Variants in HSPA4L observed in about 807,000 individuals in gnomAD.
HSPA4L encodes heat shock 70 kDa protein 4L.
HSPA4L carries 48 observed loss-of-function variants against 100.3 expected under a neutral mutation model. The ratio of observed to expected loss-of-function variants is 0.48; its 90% CI spans 0.38 to 0.61. The LOEUF is 0.61. Among genes scored for constraint, HSPA4L ranks in the 20% least tolerant of loss-of-function variants. HSPA4L has a pLI of 0.00. For missense variants in HSPA4L, 886 were observed against 988.6 expected, an observed-to-expected ratio of 0.90 and a Z score of 1.39; for synonymous variants, 319 against 328.2, an observed-to-expected ratio of 0.97 and a Z score of 0.30.
Position 127,805,692 on chromosome 4 carries a change from G to C in HSPA4L, c.1143G>C (p.Ala381=). The C allele has an allele frequency of 6.2e-7, 1 of 1,608,560 alleles. No homozygotes were observed. The highest frequency in any genetic ancestry group is 8.5e-7 in the Non-Finnish European group (1 of 1,175,792). Residue 381 remains alanine, a synonymous_variant, in exon 10 of 19, where the codon GCG becomes GCC. Transcript: ENST00000296464. The part of the protein sequence containing the change: ...AVARGCALQC[A]ILSPAFKVRE... Reference sequence around the variant, plus strand: ...GGTATACATCTTATTTTCAGTGTGCGATTCTCTCACCAGCATTTAAAGTGC... The same window carrying C: ...GGTATACATCTTATTTTCAGTGTGCCATTCTCTCACCAGCATTTAAAGTGC...
intron 3 of HSPA4L, 138 bp from the exon 4 acceptor site, chr4:127,798,449 A>G (rs949032266): frequency 6.7e-6 from 5 of 749,168 alleles, no homozygotes; most frequent in Non-Finnish European, 1.1e-5. Flanking sequence ...TAAAATGACA[A>G]TCTTTCTGGA....
chr4:127,835,074 G>C lies in HSPA4L; in HGVS notation c.*2200G>C, dbSNP rs1734172859. Reference sequence around the variant, plus strand: ...AATGAAAGAGAGTGCTCTCTTTAATGCAGCTTTGGGTAGACAGTCTAATTC... The same window carrying C: ...AATGAAAGAGAGTGCTCTCTTTAATCCAGCTTTGGGTAGACAGTCTAATTC... On this transcript the variant is annotated 3_prime_UTR_variant, in exon 19 of 19. Transcript: ENST00000296464. 1.3e-5 allele frequency: 2 copies of C among 152,004 alleles called. No individual in the cohort carries two copies. The highest frequency in any genetic ancestry group is 4.2e-4 in the South Asian group (2 of 4,818). 9.4% of individuals were successfully genotyped at this position (152,004 alleles called of 1,614,324 possible).
rs149114466 is a variant in HSPA4L, at chr4:127,822,900, T to C, written c.1938+6T>C. 55 of 1,609,916 alleles carry C rather than the reference T, an allele frequency of 3.4e-5. 1 individual carries two copies. In the African/African-American group the frequency reaches 6.8e-4, roughly 20 times the overall value. ...AAAAATTCATCACTCCAGAAGTAAG[T>C]CTAAATTCTGTTAATTTTTTGTGAG... On this transcript the variant is annotated splice_donor_region_variant and intron_variant, in intron 15 of 18. Coordinates refer to ENST00000296464, the MANE Select transcript of HSPA4L (RefSeq NM_014278.4).
At chr4:127,817,408 G>A (rs1733696058) in intron 12 of HSPA4L, among the ~76,000 whole-genome samples, 2 of 152,104 alleles carry the variant, frequency 1.3e-5, no homozygotes, top group South Asian at 4.1e-4. Context: ...ATAGCTTTCT[G>A]GGTATTACAG....
chr4:127,792,071 G>A (rs1393863292), intron 1 of HSPA4L, among the ~76,000 whole-genome samples: 1 of 152,126 alleles, frequency 6.6e-6, no homozygotes, highest in African/African-American at 2.4e-5. Context: ...ACAGTGTTTT[G>A]TTCAGCCCTT....
chr4:127,798,008 G>A (rs1212725062), intron 3 of HSPA4L, among the ~76,000 whole-genome samples: 1 of 151,940 alleles, frequency 6.6e-6, no homozygotes, highest in East Asian at 1.9e-4. Flanking sequence ...GCAGTAATTT[G>A]GCATAATACT....
chr4:127,813,135 A>G (rs1733583986), intron 12 of HSPA4L: 10 of 1,400,490 alleles, frequency 7.1e-6, no homozygotes, highest in Non-Finnish European at 1.0e-5. Context: ...GAATAACTCC[A>G]TGTTTTCTAA....
In HSPA4L at chr4:127,803,763, A is replaced by C; in HGVS notation, c.798A>C (p.Leu266Phe). ...VKENSRALLRLYQECEKLKKL... is the reference protein window; with the variant it reads ...VKENSRALLRFYQECEKLKKL... ...AAAACTCTCGGGCCTTGTTGCGTTT[A>C]TATCAGGAATGTGAAAAACTAAAGA... The change falls in exon 7 of 19, where the codon TTA (leucine) becomes TTC (phenylalanine). Residue 266 changes from leucine (L) to phenylalanine (F), a missense_variant. Physicochemically the swap from Leu to Phe is conservative, Grantham distance 22. Coordinates refer to ENST00000296464, the MANE Select transcript of HSPA4L (RefSeq NM_014278.4). 1 of 1,614,032 alleles carries C rather than the reference A, an allele frequency of 6.2e-7. No individual in the cohort carries two copies. The highest frequency in any genetic ancestry group is 1.1e-5 in the South Asian group (1 of 91,086).
Position 127,827,399 on chromosome 4 carries a change from A to G in HSPA4L, c.2141A>G (p.Lys714Arg), listed in dbSNP as rs1271668208. Reference protein sequence around the residue: ...DLGKKIQLVMKVIEAYRNKDE... With the variant: ...DLGKKIQLVMRVIEAYRNKDE... The stretch of plus-strand genomic sequence containing the variant: ...GGAAAAAAGATCCAACTTGTCATGA[A>G]AGTGATAGAAGCTTATAGAAACAAG... The change falls in exon 17 of 19, where the codon AAA becomes AGA. Residue 714 changes from lysine (K) to arginine (R), a missense_variant. Transcript: ENST00000296464. The G allele has an allele frequency of 1.2e-6, 2 of 1,613,664 alleles. No individual in the cohort carries two copies. The highest frequency in any genetic ancestry group is 3.3e-5 in the Admixed American group (2 of 60,006).
intron 18 of HSPA4L, among the ~76,000 whole-genome samples, chr4:127,831,993 A>G (rs1302280254): frequency 3.3e-5 from 5 of 151,702 alleles, no homozygotes; most frequent in African/African-American, 7.2e-5. Flanking sequence ...GAGTGTGACA[A>G]GAGCAGTTTG....
rs1211032414 is a variant in HSPA4L at position 127,794,092 on chromosome 4, G to A, written c.123G>A (p.Leu41=). The change falls in exon 2 of 19, where the codon TTG becomes TTA. Residue 41 remains leucine, a synonymous_variant. Transcript: ENST00000296464. Reference sequence around the variant, plus strand: ...TCTGGTTTAGGGCCTGTATATCATTGGGATCAAGAACTCGAGCCATTGGAA... The same window carrying A: ...TCTGGTTTAGGGCCTGTATATCATTAGGATCAAGAACTCGAGCCATTGGAA... ...SDRCTPACIS[L]GSRTRAIGNA... is the part of the protein sequence containing the mutation. 1 of 1,609,778 alleles carries A rather than the reference G, an allele frequency of 6.2e-7. No homozygotes were observed. Among genetic ancestry groups the A allele is most frequent in the Non-Finnish European group, 8.5e-7 (1 of 1,177,366 alleles).
At chr4:127,782,248 C>T (rs1228474702), upstream of HSPA4L, 4 of 409,462 alleles carry the variant, frequency 9.8e-6, no homozygotes, top group Non-Finnish European at 1.4e-5. Flanking sequence ...GGAGCGGAGG[C>T]TCGCGCGCCT....
intron 12 of HSPA4L, among the ~76,000 whole-genome samples, chr4:127,815,849 A>G (rs1733657826): frequency 6.6e-6 from 1 of 152,210 alleles, no homozygotes; most frequent in South Asian, 2.1e-4. Context: ...AGTGATGAGG[A>G]AACCACTTAG....
chr4:127,810,208 T>C lies in HSPA4L; in HGVS notation c.1379-1229T>C, dbSNP rs17012671. On this transcript the variant is annotated intron_variant, in intron 11 of 18. Transcript: ENST00000296464. ...TTAACTGAGTGAACTTTTCAGAAGA[T>C]ATAAAATGAAATTACAACATTTAAA... Among the ~76,000 whole-genome samples the C allele has an allele frequency of 8.1e-4, 124 of 152,332 alleles. 2 individuals carry two copies. The East Asian group carries it at 0.016, about 20-fold the overall frequency.
rs1001933228 is a variant in HSPA4L, at chr4:127,809,585, T to G, written c.1378+1456T>G. On this transcript the variant is annotated intron_variant, in intron 11 of 18. Transcript: ENST00000296464. Reference sequence around the variant, plus strand: ...TTCAAAATTTTGGTGAACTTTGATATTTTTTGTTTGTTAAAGGAATGTGTA... The same window carrying G: ...TTCAAAATTTTGGTGAACTTTGATAGTTTTTGTTTGTTAAAGGAATGTGTA... 9 of 654,420 alleles carry G rather than the reference T, an allele frequency of 1.4e-5. No homozygotes were observed. The African/African-American group carries it at 1.4e-4, about 10-fold the overall frequency. The allele number at this position is 654,420 out of a possible 1,614,324, so 40.5% of individuals were successfully genotyped here.
In HSPA4L at chr4:127,801,952, T is replaced by C. The variant is rs760521563; in HGVS notation, c.663+34T>C. 3 of 1,537,434 alleles carry C rather than the reference T, an allele frequency of 2.0e-6. No individual in the cohort carries two copies. In the South Asian group the frequency reaches 3.7e-5, roughly 19 times the overall value. On this transcript the variant is annotated intron_variant, in intron 6 of 18. Transcript: ENST00000296464. ...ACACATGGTTTGTTATATTTACATA[T>C]GTTAAGAACACAGACTAAAGAACCG...
chr4:127,790,882 T>C (rs562218515), intron 1 of HSPA4L, among the ~76,000 whole-genome samples: 102 of 152,316 alleles, frequency 6.7e-4, no homozygotes, highest in African/African-American at 2.3e-3. Context: ...CCCAGCACTT[T>C]GGGAGGCCAA....
At position 127,798,592 on chromosome 4, in the gene HSPA4L, G is replaced by A. The variant is rs1733088155; in HGVS notation, c.312G>A (p.Arg104=). The change falls in exon 4 of 19, where the codon CGG becomes CGA. Residue 104 remains arginine, a synonymous_variant. Transcript: ENST00000296464. ...MPNGSAGVKV[R]YLEEERPFAI... Reference sequence around the variant, plus strand: ...ATCCCAACTTTTGGTGTTAGGTGCGGTACTTAGAGGAAGAGAGACCTTTTG... The same window carrying A: ...ATCCCAACTTTTGGTGTTAGGTGCGATACTTAGAGGAAGAGAGACCTTTTG... 6.2e-7 allele frequency: 1 copy of A among 1,613,300 alleles called. No individual in the cohort carries two copies. Among genetic ancestry groups the A allele is most frequent in the African/African-American group, 1.3e-5 (1 of 74,898 alleles).
At chr4:127,813,919 C>T (rs1435911437) in intron 12 of HSPA4L, among the ~76,000 whole-genome samples, 1 of 152,204 alleles carries the variant, frequency 6.6e-6, no homozygotes, top group African/African-American at 2.4e-5. Context: ...GCTGGGATTA[C>T]AGGTGTGAGC....
Sources: allele counts gnomAD v4.1 joint callset (sites outside exome capture counted in the v4.1 genomes callset), GRCh38; gene constraint gnomAD v4.1.1; transcripts MANE v1.5; gene names NCBI Gene and HGNC (gene_info 2026-07-23, HGNC 2026-07-21).